The following NLRP1 variants were observed in gnomAD, a reference collection of about 807,000 sequenced individuals.
NLRP1 encodes the protein NACHT, LRR and PYD domains-containing protein 1.
A neutral mutation model predicts 136.7 loss-of-function variants in NLRP1; 94 were observed. That is an observed-to-expected ratio of 0.69 (90% CI 0.58 to 0.82). NLRP1 has a LOEUF of 0.82. NLRP1 is among the 40% of genes least tolerant of loss of function. NLRP1 has a pLI of 0.00. For missense variants in NLRP1, 1,575 were observed against 1,802.7 expected (o/e 0.87, Z 2.29); for synonymous variants, 690 against 725.1 (o/e 0.95, Z 0.78).
At chr17:5,579,389 G>C (rs1295951044) in intron 3 of NLRP1, among the ~76,000 whole-genome samples, 1 of 151,794 alleles carries the variant, frequency 6.6e-6, no homozygotes, top group African/African-American at 2.4e-5. Context: ...CCCATAATGA[G>C]GTACTATTCT....
intron 5 of NLRP1, 98 bp from the exon 6 acceptor site, chr17:5,542,125 G>A (rs923983332): frequency 8.0e-7 from 1 of 1,247,490 alleles, no homozygotes. Flanking sequence ...CACCAGGCCT[G>A]TGGGCCAGGC....
At chr17:5,548,048 A>G (rs567616749) in intron 5 of NLRP1, among the ~76,000 whole-genome samples, 1 of 152,202 alleles carries the variant, frequency 6.6e-6, no homozygotes, top group East Asian at 1.9e-4. Context: ...CTCTCCACCC[A>G]AACTCCCACC....
At position 5,583,293 on chromosome 17, in the gene NLRP1, C is replaced by T. The variant is rs1295733962; in HGVS notation, c.271+394G>A. 1.3e-5 allele frequency among the ~76,000 whole-genome samples: 2 copies of T among 152,196 alleles called. No individual in the cohort carries two copies. The highest frequency in any genetic ancestry group is 4.8e-5 in the African/African-American group (2 of 41,434). On this transcript the variant is annotated intron_variant, in intron 1 of 16. Coordinates refer to ENST00000572272, the MANE Select transcript of NLRP1 (RefSeq NM_033004.4). This position sits in a 1 kb window ranked among gnomAD's most constrained non-coding sequence, Gnocchi z 4.5. ...CCTGGATGATCTCTTTTAACCCTCA[C>T]ACAGCCCAGGGAGGCGGGCTCTCAC...
intron 3 of NLRP1, among the ~76,000 whole-genome samples, chr17:5,569,158 CCACCATAAAACA>C (rs1915617759): frequency 6.6e-6 from 1 of 152,142 alleles, no homozygotes; most frequent in Non-Finnish European, 1.5e-5. Flanking sequence ...CCATCACTGG[CCACCATAAAACA>C]CACTAAAGTA....
chr17:5,570,155 A>G (rs942721348), intron 3 of NLRP1, among the ~76,000 whole-genome samples: 2 of 152,150 alleles, frequency 1.3e-5, no homozygotes, highest in Non-Finnish European at 2.9e-5. Flanking sequence ...TCAAAAAGTT[A>G]GAAAAATCTC....
At chr17:5,544,071 A>G (rs1912227365) in intron 5 of NLRP1, among the ~76,000 whole-genome samples, 1 of 152,166 alleles carries the variant, frequency 6.6e-6, no homozygotes, top group Non-Finnish European at 1.5e-5. Context: ...TGATGGGACC[A>G]TGGAGCCTCA....
At chr17:5,562,822 C>T (rs897107131) in intron 3 of NLRP1, among the ~76,000 whole-genome samples, 1 of 152,226 alleles carries the variant, frequency 6.6e-6, no homozygotes, top group Non-Finnish European at 1.5e-5. Flanking sequence ...ACAGATCCTG[C>T]TGGCACTGCC....
chr17:5,539,472 C>G lies in NLRP1; in HGVS notation c.2813G>C (p.Gly938Ala), dbSNP rs1193709046. Residue 938 changes from glycine to alanine, a missense_variant, in exon 7 of 17, where the codon GGC becomes GCC. Transcript: ENST00000572272. ...GAGCCCCTCACAGAGCAGTCGCACG[C>G]CAACGTCATCCAGGTTGTTCTGCTG... Reference protein sequence around the residue: ...DLQQNNLDDVGVRLLCEGLRH... With the variant: ...DLQQNNLDDVAVRLLCEGLRH... The G allele has an allele frequency of 1.9e-6, 3 of 1,614,074 alleles. No homozygotes were observed. The highest frequency in any genetic ancestry group is 2.5e-6 in the Non-Finnish European group (3 of 1,180,044).
chr17:5,541,951 C>G lies in NLRP1; in HGVS notation c.2605G>C (p.Glu869Gln). 1.2e-6 allele frequency: 2 copies of G among 1,614,172 alleles called. No homozygotes were observed. The highest frequency in any genetic ancestry group is 1.7e-6 in the Non-Finnish European group (2 of 1,180,016). Reference protein sequence around the residue: ...FGLRANQTLTELDLSFNVLTD... With the variant: ...FGLRANQTLTQLDLSFNVLTD... ...AGCACATTGAAGCTCAGGTCCAGCT[C>G]GGTCAGGGTCTGGTTGGCTCTCAGC... Residue 869 changes from glutamate to glutamine, a missense_variant, in exon 6 of 17, where the codon GAG becomes CAG. Physicochemically the swap from Glu to Gln is conservative, Grantham distance 29. Coordinates refer to ENST00000572272, the MANE Select transcript of NLRP1 (RefSeq NM_033004.4). The surrounding 1 kb of genome is among the most constrained non-coding windows in gnomAD (Gnocchi z 4.2).
In NLRP1 at chr17:5,581,328, A is replaced by G. The variant is rs1905617550; in HGVS notation, c.652+531T>C. Among the ~76,000 whole-genome samples the G allele has an allele frequency of 2.0e-5, 3 of 152,224 alleles. No homozygotes were observed. In the South Asian group the frequency reaches 6.2e-4, roughly 32 times the overall value. ...AAGGCTGAATTCCATCTTTGCTAGT[A>G]CTAACTGTGAGACTATCTTTTTAAT... On this transcript the variant is annotated intron_variant, in intron 3 of 16. Coordinates refer to ENST00000572272, the MANE Select transcript of NLRP1 (RefSeq NM_033004.4).
intron 5 of NLRP1, among the ~76,000 whole-genome samples, chr17:5,548,660 G>A (rs28730337): frequency 0.29 from 43,367 of 151,920 alleles, 7,911 homozygotes; most frequent in Non-Finnish European, 0.4. Context: ...CTGCATTCTC[G>A]CCTCTTCATG....
At position 5,565,316 on chromosome 17, in the gene NLRP1, A is replaced by AT. The variant is rs1448108683; in HGVS notation, c.653-5274dup. Among the ~76,000 whole-genome samples the AT allele has an allele frequency of 6.6e-5, 10 of 152,130 alleles. No homozygotes were observed. In the East Asian group the frequency reaches 1.9e-3, roughly 29 times the overall value. ...AAACGTCTATTCTAATCTTTTAACT[A>AT]TTTTTTGATCGAATTTTAGATTTTT... On this transcript the variant is annotated intron_variant, in intron 3 of 16. Coordinates refer to ENST00000572272, the MANE Select transcript of NLRP1 (RefSeq NM_033004.4).
At chr17:5,582,284 G>A (rs1432138367) in intron 2 of NLRP1, among the ~76,000 whole-genome samples, 1 of 152,050 alleles carries the variant, frequency 6.6e-6, no homozygotes, top group Non-Finnish European at 1.5e-5. Flanking sequence ...CTCTTCTTGG[G>A]GTCTGTCTGG....
At chr17:5,564,393 A>C (rs1210257484) in intron 3 of NLRP1, among the ~76,000 whole-genome samples, 2 of 151,728 alleles carry the variant, frequency 1.3e-5, no homozygotes, top group African/African-American at 4.8e-5. Flanking sequence ...TCTGCTCTCT[A>C]TGTCCATGAG....
chr17:5,526,877 T>C (rs1310579231), intron 12 of NLRP1, among the ~76,000 whole-genome samples: 2 of 152,204 alleles, frequency 1.3e-5, no homozygotes, highest in Non-Finnish European at 2.9e-5. Flanking sequence ...AGCCTCAAGC[T>C]CTAGCTATAG....
chr17:5,572,782 C>T (rs1365929258), intron 3 of NLRP1, among the ~76,000 whole-genome samples: 2 of 151,024 alleles, frequency 1.3e-5, no homozygotes, highest in African/African-American at 4.9e-5. Flanking sequence ...ACATGGCCAA[C>T]AGCATATGAA....
At chr17:5,531,870 A>G (rs1300682094) in intron 11 of NLRP1, among the ~76,000 whole-genome samples, 4 of 152,222 alleles carry the variant, frequency 2.6e-5, no homozygotes, top group Admixed American at 2.6e-4. Flanking sequence ...AGGAGCATAC[A>G]GATTAAGAGA....
At position 5,570,957 on chromosome 17, in the gene NLRP1, A is replaced by G. The variant is rs117784000; in HGVS notation, c.652+10902T>C. Among the ~76,000 whole-genome samples, 77 of 152,346 alleles carry G rather than the reference A, an allele frequency of 5.1e-4. No homozygotes were observed. The East Asian group carries it at 0.013, about 27-fold the overall frequency. On this transcript the variant is annotated intron_variant, in intron 3 of 16. Coordinates refer to ENST00000572272, the MANE Select transcript of NLRP1 (RefSeq NM_033004.4). ...CTCTGGGATGCATGTTTGATTCAAC[A>G]TATGCAAATCAATAAATGTGATCTA...
chr17:5,533,005 T>C, intron 10 of NLRP1, 21 bp from the exon 11 acceptor site: 1 of 1,604,288 alleles, frequency 6.2e-7, no homozygotes, highest in Admixed American at 1.7e-5. Flanking sequence ...AAGGCAGCGG[T>C]CAGCTCCAGA....
Sources: gnomAD v4.1 joint callset for allele counts (sites outside exome capture counted in the v4.1 genomes callset) on GRCh38, gnomAD v4.1.1 for gene constraint, Gnocchi (gnomAD v3.1) non-coding constraint, MANE v1.5 for transcripts, NCBI Gene and HGNC (gene_info 2026-07-23, HGNC 2026-07-21) for gene names.